ASTN2: variants seen among roughly 807,000 people sequenced by gnomAD.
The protein encoded by ASTN2 is astrotactin 2.
In ASTN2, 54 loss-of-function variants were observed where a neutral mutation model predicts 139.8. The ratio of observed to expected loss-of-function variants is 0.39; its 90% CI spans 0.31 to 0.48. ASTN2 has a LOEUF of 0.48. Ranked by LOEUF, ASTN2 falls within the 20% of genes least tolerant of loss-of-function variation. ASTN2 has a pLI of 0.95. For synonymous variants in ASTN2, 756 were observed against 719.5 expected (o/e 1.05, Z -0.81); for missense variants, 1,565 against 1,725.1 (o/e 0.91, Z 1.64).
chr9:117,080,715 G>T (rs1828404490), intron 5 of ASTN2, among the ~76,000 whole-genome samples: 1 of 152,072 alleles, frequency 6.6e-6, no homozygotes, highest in South Asian at 2.1e-4. Flanking sequence ...AACAGCTCAG[G>T]TCCACAGATA....
chr9:117,091,525 G>A (rs1197361565), intron 5 of ASTN2, among the ~76,000 whole-genome samples: 1 of 152,158 alleles, frequency 6.6e-6, no homozygotes, highest in East Asian at 1.9e-4. Flanking sequence ...ACTCAGGTAT[G>A]GACAGCTTTG....
At chr9:117,288,306 T>C (rs978190847) in intron 2 of ASTN2, among the ~76,000 whole-genome samples, 1 of 152,178 alleles carries the variant, frequency 6.6e-6, no homozygotes. Context: ...CCAGGAGGCA[T>C]GGATGGTAGC....
intron 17 of ASTN2, among the ~76,000 whole-genome samples, chr9:116,636,054 G>A (rs1451543485): frequency 6.6e-6 from 1 of 152,196 alleles, no homozygotes. Context: ...GAAAAAGCCA[G>A]TAATGACAAA....
intron 11 of ASTN2, among the ~76,000 whole-genome samples, chr9:116,856,426 A>T (rs976851960): frequency 2.0e-5 from 3 of 152,298 alleles, no homozygotes. Context: ...GCTGTGCTCC[A>T]AGGTGATTTC....
intron 4 of ASTN2, among the ~76,000 whole-genome samples, chr9:117,139,565 G>C (rs1440501963): frequency 2.0e-5 from 3 of 152,138 alleles, no homozygotes; most frequent in Non-Finnish European, 4.4e-5. Flanking sequence ...TGTAGAGCTT[G>C]GTTTTTTACA....
chr9:117,071,480 C>A (rs1414747904), intron 5 of ASTN2, among the ~76,000 whole-genome samples: 5 of 150,332 alleles, frequency 3.3e-5, no homozygotes, highest in Admixed American at 2.6e-4. Flanking sequence ...CTGTGCCCTG[C>A]CCCCAGAGGT....
intron 3 of ASTN2, among the ~76,000 whole-genome samples, chr9:117,205,858 A>G (rs1831902726): frequency 6.6e-6 from 1 of 152,220 alleles, no homozygotes; most frequent in Admixed American, 6.5e-5. Context: ...GCATTTGTCT[A>G]AAGGAAAATA....
At chr9:116,620,566 C>T in intron 17 of ASTN2, 123 bp from the exon 18 acceptor site, 1 of 1,229,344 alleles carries the variant, frequency 8.1e-7, no homozygotes, top group Non-Finnish European at 1.2e-6. Flanking sequence ...AAGCACAAGA[C>T]ACCATCTATT....
chr9:116,821,128 A>T lies in ASTN2; in HGVS notation c.2041-345T>A, dbSNP rs181512188. ...TGATATTGCTGGGATCATATTCATT[A>T]TTGTTTCTACTGTTATTGCCCTATA... On this transcript the variant is annotated intron_variant, in intron 11 of 22. Coordinates refer to ENST00000313400, the MANE Select transcript of ASTN2 (RefSeq NM_001365068.1). Among the ~76,000 whole-genome samples the T allele has an allele frequency of 1.8e-4, 27 of 152,232 alleles. 1 individual carries two copies. The highest frequency in any genetic ancestry group is 1.6e-3 in the Admixed American group (25 of 15,284).
intron 5 of ASTN2, among the ~76,000 whole-genome samples, chr9:117,058,920 G>C (rs147806498): frequency 1.3e-3 from 197 of 152,362 alleles, no homozygotes; most frequent in African/African-American, 4.5e-3. Flanking sequence ...TGAGTGACAT[G>C]AGATGGGGCT....
At chr9:117,113,127 T>C (rs1187527436) in intron 4 of ASTN2, among the ~76,000 whole-genome samples, 1 of 152,236 alleles carries the variant, frequency 6.6e-6, no homozygotes, top group African/African-American at 2.4e-5. Context: ...AACTCTCATT[T>C]ACTGCAGATG....
At chr9:116,750,661 C>T (rs1829374971) in intron 13 of ASTN2, among the ~76,000 whole-genome samples, 1 of 152,172 alleles carries the variant, frequency 6.6e-6, no homozygotes, top group African/African-American at 2.4e-5. Context: ...CTTTCTGCAA[C>T]ACTGCACTAA....
intron 19 of ASTN2, among the ~76,000 whole-genome samples, chr9:116,519,001 T>C (rs1010872258): frequency 3.3e-5 from 5 of 152,070 alleles, no homozygotes; most frequent in African/African-American, 1.2e-4. Context: ...TCCAAATTTA[T>C]AAAGCAATTA....
intron 20 of ASTN2, among the ~76,000 whole-genome samples, chr9:116,478,167 G>A (rs1374407528): frequency 7.6e-6 from 1 of 130,956 alleles, no homozygotes; most frequent in East Asian, 2.5e-4. Context: ...AGGGAAGGAG[G>A]AGGGAAGGGG....
At chr9:117,044,310 T>G (rs1838670337) in intron 5 of ASTN2, among the ~76,000 whole-genome samples, 1 of 152,124 alleles carries the variant, frequency 6.6e-6, no homozygotes, top group African/African-American at 2.4e-5. Flanking sequence ...TGAACAGCAT[T>G]GTGGGGCCCC....
At chr9:117,065,958 A>G (rs1041674447) in intron 5 of ASTN2, among the ~76,000 whole-genome samples, 4 of 151,950 alleles carry the variant, frequency 2.6e-5, no homozygotes, top group African/African-American at 9.7e-5. Context: ...ATTAAATGAG[A>G]TAATGCATGT....
chr9:116,942,632 A>G (rs1375988857), intron 10 of ASTN2, among the ~76,000 whole-genome samples: 3 of 152,224 alleles, frequency 2.0e-5, no homozygotes, highest in African/African-American at 7.2e-5. Flanking sequence ...GCACACACAC[A>G]CTCAACCTGA....
chr9:116,635,137 T>G (rs1490628955), intron 17 of ASTN2, among the ~76,000 whole-genome samples: 1 of 152,206 alleles, frequency 6.6e-6, no homozygotes, highest in Non-Finnish European at 1.5e-5. Flanking sequence ...TGTGGCAAAA[T>G]GAGAGCTTAA....
chr9:116,459,548 C>T (rs770732200), intron 20 of ASTN2, among the ~76,000 whole-genome samples: 5 of 151,840 alleles, frequency 3.3e-5, no homozygotes, highest in Admixed American at 2.0e-4. Context: ...TATAAAGTAG[C>T]ATTACAACTG....
Sources: allele counts gnomAD v4.1 joint callset (sites outside exome capture counted in the v4.1 genomes callset), GRCh38; gene constraint gnomAD v4.1.1; transcripts MANE v1.5; gene names NCBI Gene and HGNC (gene_info 2026-07-23, HGNC 2026-07-21).